Variants in P3H3 observed in about 807,000 individuals in gnomAD.
P3H3 encodes prolyl 3-hydroxylase 3, also known as gene rich cluster, B.
Under a neutral mutation model 78.1 loss-of-function variants are expected in P3H3, and 64 were observed. The ratio of observed to expected loss-of-function variants is 0.82; its 90% CI spans 0.67 to 1.01. The LOEUF is 1.01. Ranked by LOEUF, P3H3 falls within the 50% of genes least tolerant of loss-of-function variation. The pLI is 0.00. For missense variants in P3H3, 975 were observed against 982.2 expected (o/e 0.99, Z 0.10); for synonymous variants, 425 against 416.7 (o/e 1.02, Z -0.24).
chr12:6,838,905 C>G, intron 13 of P3H3, 95 bp from the exon 14 acceptor site: 1 of 1,111,498 alleles, frequency 9.0e-7, no homozygotes, highest in Non-Finnish European at 1.3e-6. Context: ...AGCTGATCCT[C>G]TCTGTGCCCC....
chr12:6,831,425 C>T lies in P3H3; in HGVS notation c.1122+73C>T, dbSNP rs1943450125. 1.3e-6 allele frequency: 2 copies of T among 1,582,858 alleles called. No homozygotes were observed. The highest frequency in any genetic ancestry group is 8.6e-7 in the Non-Finnish European group (1 of 1,166,590). On this transcript the variant is annotated intron_variant, in intron 5 of 14. Coordinates refer to ENST00000290510, the MANE Select transcript of P3H3 (RefSeq NM_014262.5). This position sits in a 1 kb window ranked among gnomAD's most constrained non-coding sequence, Gnocchi z 4.6. ...AATAGACCTGAGAAGTAACCTGGACCCCCACCCCCCGCTGGCCTCTTACCC... is the reference window on the plus strand; with the variant it reads ...AATAGACCTGAGAAGTAACCTGGACTCCCACCCCCCGCTGGCCTCTTACCC...
chr12:6,828,619 T>C lies in P3H3; in HGVS notation c.179T>C (p.Leu60Pro). ...AGAWAPAVAL[L>P]REALRSQAAL... Reference sequence around the variant, plus strand: ...GCTTGGGCGCCGGCCGTGGCGCTGCTGCGGGAGGCGCTGCGGAGCCAGGCG... The same window carrying C: ...GCTTGGGCGCCGGCCGTGGCGCTGCCGCGGGAGGCGCTGCGGAGCCAGGCG... The change falls in exon 1 of 15, where the codon CTG becomes CCG. Residue 60 changes from leucine to proline, a missense_variant. Physicochemically the swap from Leu to Pro is moderately conservative, Grantham distance 98 (BLOSUM62 -3). Transcript: ENST00000290510. The C allele has an allele frequency of 8.2e-7, 1 of 1,216,474 alleles. No individual in the cohort carries two copies. The highest frequency in any genetic ancestry group is 1.0e-6 in the Non-Finnish European group (1 of 978,638). The allele number at this position is 1,216,474 out of a possible 1,614,324, so 75.4% of individuals were successfully genotyped here.
rs1555122795 is a variant in P3H3 at position 6,839,485 on chromosome 12, A to T, written c.*24A>T. 6.5e-7 allele frequency: 1 copy of T among 1,546,254 alleles called. No homozygotes were observed. ...GAGTGGCTGAGCCAGCTCCTTGAGGATGTGGCCACTTGACTTGTGGAAGGC... is the reference window on the plus strand; with the variant it reads ...GAGTGGCTGAGCCAGCTCCTTGAGGTTGTGGCCACTTGACTTGTGGAAGGC... On this transcript the variant is annotated 3_prime_UTR_variant, in exon 15 of 15. Transcript: ENST00000290510.
chr12:6,831,809 A>T lies in P3H3; in HGVS notation c.1123-16A>T, dbSNP rs1943453106. The T allele has an allele frequency of 6.4e-7, 1 of 1,552,088 alleles. No individual in the cohort carries two copies. The highest frequency in any genetic ancestry group is 1.7e-5 in the Admixed American group (1 of 58,316). On this transcript the variant is annotated splice_polypyrimidine_tract_variant and intron_variant, in intron 5 of 14. Transcript: ENST00000290510. The surrounding 1 kb of genome is among the most constrained non-coding windows in gnomAD (Gnocchi z 4.6). The stretch of plus-strand genomic sequence containing the variant: ...TTCCTCCAGCTACCCCTCACTGCTC[A>T]TCATCTCACCCTCAGGACATCCAGC...
chr12:6,835,225 G>A (rs1943484884), intron 9 of P3H3, among the ~76,000 whole-genome samples: 1 of 152,108 alleles, frequency 6.6e-6, no homozygotes, highest in African/African-American at 2.4e-5. Context: ...TAATAATAGT[G>A]TTTTTGTCAT....
Position 6,828,886 on chromosome 12 carries a change from A to C in P3H3, c.446A>C (p.Asp149Ala). ...ARLRVGSALRDAFRRREPYNY... is the reference protein window; with the variant it reads ...ARLRVGSALRAAFRRREPYNY... Reference sequence around the variant, plus strand: ...CTTCGCGTGGGGAGCGCGCTCCGGGACGCCTTCCGCCGTCGGGAGCCCTAC... The same window carrying C: ...CTTCGCGTGGGGAGCGCGCTCCGGGCCGCCTTCCGCCGTCGGGAGCCCTAC... Residue 149 changes from aspartate (D) to alanine (A), a missense_variant, in exon 1 of 15, where the codon GAC (aspartate) becomes GCC (alanine). Coordinates refer to ENST00000290510, the MANE Select transcript of P3H3 (RefSeq NM_014262.5). 8.0e-7 allele frequency: 1 copy of C among 1,247,012 alleles called. No individual in the cohort carries two copies. The highest frequency in any genetic ancestry group is 1.0e-6 in the Non-Finnish European group (1 of 995,666). 77.2% of individuals were successfully genotyped at this position (1,247,012 alleles called of 1,614,324 possible).
In P3H3 at chr12:6,837,448, G is replaced by A. The variant is rs782231940; in HGVS notation, c.1586G>A (p.Ser529Asn). ...CTGGCCCGGGCTGGGACAGTGGGCA[G>A]TCAGGGTGCTAAGCTGCTTCTGGAG... Reference protein sequence around the residue: ...AQLARAGTVGSQGAKLLLEVS... With the variant: ...AQLARAGTVGNQGAKLLLEVS... The change falls in exon 11 of 15, where the codon AGT becomes AAT. Residue 529 changes from serine (S) to asparagine (N), a missense_variant. Transcript: ENST00000290510. 6.2e-6 allele frequency: 10 copies of A among 1,611,450 alleles called. No homozygotes were observed. Among genetic ancestry groups the A allele is most frequent in the Admixed American group, 3.4e-5 (2 of 59,636 alleles).
chr12:6,835,241 CGTT>C (rs1444932480), intron 9 of P3H3, among the ~76,000 whole-genome samples: 3 of 152,090 alleles, frequency 2.0e-5, no homozygotes, highest in Admixed American at 2.0e-4. Flanking sequence ...GTCATAGTGT[CGTT>C]GTGAGGATTA....
rs373608109 is a variant in P3H3 at position 6,828,479 on chromosome 12, G to A, written c.39G>A (p.Leu13=). 3.1e-5 allele frequency: 40 copies of A among 1,284,466 alleles called. 1 individual carries two copies. The highest frequency in any genetic ancestry group is 3.1e-4 in the East Asian group (10 of 32,432). The allele number at this position is 1,284,466 out of a possible 1,614,324, so 79.6% of individuals were successfully genotyped here. The change falls in exon 1 of 15, where the codon CTG becomes CTA. Residue 13 remains leucine (L), a synonymous_variant. Transcript: ENST00000290510. ...TCCGGCCGCTGCTGCTACTGCTGCT[G>A]CTGCCTCCCCCGGGGTCCCCTGAGC... ...RLLRPLLLLL[L]LPPPGSPEPP...
rs1943425466 is a variant in P3H3 at position 6,829,611 on chromosome 12, C to G, written c.499-248C>G. 1 of 524,472 alleles carries G rather than the reference C, an allele frequency of 1.9e-6. No individual in the cohort carries two copies. The highest frequency in any genetic ancestry group is 1.9e-5 in the African/African-American group (1 of 52,208). 32.5% of individuals were successfully genotyped at this position (524,472 alleles called of 1,614,324 possible). A position where few individuals can be genotyped will look rare whatever the true frequency, so the allele number is the denominator to read the frequency against. On this transcript the variant is annotated intron_variant, in intron 1 of 14. Transcript: ENST00000290510. The surrounding 1 kb of genome is among the most constrained non-coding windows in gnomAD (Gnocchi z 5.1). ...AATTGAGGTCCTGAAGTCCTGAGACCCATGTCCCACCCAACTCCGACGTCT... is the reference window on the plus strand; with the variant it reads ...AATTGAGGTCCTGAAGTCCTGAGACGCATGTCCCACCCAACTCCGACGTCT...
At chr12:6,832,697 G>A (rs782546833) in intron 6 of P3H3, among the ~76,000 whole-genome samples, 3 of 151,934 alleles carry the variant, frequency 2.0e-5, no homozygotes, top group Non-Finnish European at 2.9e-5. Flanking sequence ...CACCTCCCAG[G>A]TTCAAGCGAT....
intron 10 of P3H3, 105 bp downstream of exon 10, chr12:6,837,191 G>C (rs988089512): frequency 1.8e-6 from 2 of 1,095,486 alleles, no homozygotes; most frequent in South Asian, 2.9e-5. Context: ...GAGCTTTCTT[G>C]GGACCGAGAC....
intron 9 of P3H3, among the ~76,000 whole-genome samples, chr12:6,836,481 C>T (rs782049851): frequency 2.6e-5 from 4 of 152,086 alleles, no homozygotes; most frequent in Admixed American, 6.5e-5. Context: ...GGGGGAGCCA[C>T]GGAGTCCACA....
Position 6,829,304 on chromosome 12 carries a change from T to G in P3H3, c.498+366T>G, listed in dbSNP as rs1555120960. 1.2e-5 allele frequency: 3 copies of G among 243,484 alleles called. No homozygotes were observed. Among genetic ancestry groups the G allele is most frequent in the East Asian group, 7.9e-5 (1 of 12,678 alleles). 15.1% of individuals were successfully genotyped at this position (243,484 alleles called of 1,614,324 possible). On this transcript the variant is annotated intron_variant, in intron 1 of 14. Coordinates refer to ENST00000290510, the MANE Select transcript of P3H3 (RefSeq NM_014262.5). This position sits in a 1 kb window ranked among gnomAD's most constrained non-coding sequence, Gnocchi z 5.1. ...GGGTGTGTGTGTGTGTCGGGGGTGG[T>G]GGTGAGTGTGAACCTTCGCTTGGGG...
chr12:6,834,184 A>G, intron 9 of P3H3, 135 bp downstream of exon 9: 2 of 1,316,970 alleles, frequency 1.5e-6, no homozygotes, highest in South Asian at 1.4e-5. Flanking sequence ...ACTGCCTCTC[A>G]GCTGTGGATA....
Position 6,828,457 on chromosome 12 carries a change from G to A in P3H3, c.17G>A (p.Arg6Gln). 2 of 980,556 alleles carry A rather than the reference G, an allele frequency of 2.0e-6. No individual in the cohort carries two copies. Among genetic ancestry groups the A allele is most frequent in the South Asian group, 3.1e-5 (2 of 63,760 alleles). 60.7% of individuals were successfully genotyped at this position (980,556 alleles called of 1,614,324 possible). Residue 6 changes from arginine (R) to glutamine (Q), a missense_variant, in exon 1 of 15, where the codon CGG (arginine) becomes CAG (glutamine). By Grantham distance (43) the Arg-to-Gln change is conservative. Coordinates refer to ENST00000290510, the MANE Select transcript of P3H3 (RefSeq NM_014262.5). MLRLL[R>Q]PLLLLLLLPP... ...TCCGACATCATGCTCCGGCTCCTCC[G>A]GCCGCTGCTGCTACTGCTGCTGCTG... is the stretch of plus-strand genomic sequence containing the variant.
intron 6 of P3H3, 179 bp from the exon 7 acceptor site, chr12:6,833,413 G>A (rs1565512684): frequency 4.8e-6 from 3 of 625,712 alleles, no homozygotes; most frequent in Non-Finnish European, 8.6e-6. Context: ...AGTTATAGTT[G>A]TACTTGTTGT....
Position 6,839,658 on chromosome 12 carries a change from G to A in P3H3, c.*197G>A. ...CACAGGCTAGCCTGGAGCTCACCAG[G>A]CCTGGGGAGCTGGGACGGGGCCCCG... On this transcript the variant is annotated 3_prime_UTR_variant, in exon 15 of 15. Coordinates refer to ENST00000290510, the MANE Select transcript of P3H3 (RefSeq NM_014262.5). The A allele has an allele frequency of 1.4e-6, 1 of 711,124 alleles. No individual in the cohort carries two copies. The highest frequency in any genetic ancestry group is 3.0e-5 in the Admixed American group (1 of 33,654). The allele number at this position is 711,124 out of a possible 1,614,324, so 44.1% of individuals were successfully genotyped here.
chr12:6,834,132 C>A, intron 9 of P3H3, 83 bp downstream of exon 9: 3 of 1,581,370 alleles, frequency 1.9e-6, no homozygotes, highest in Non-Finnish European at 2.6e-6. Context: ...CTGCCCCCTT[C>A]ATTCTGCCTG....
Sources: allele counts gnomAD v4.1 joint callset (sites outside exome capture counted in the v4.1 genomes callset), GRCh38; gene constraint gnomAD v4.1.1; non-coding constraint Gnocchi (gnomAD v3.1); transcripts MANE v1.5; gene names NCBI Gene and HGNC (gene_info 2026-07-23, HGNC 2026-07-21).